Variants in CLIP1 observed in about 807,000 individuals in gnomAD.
CLIP1 encodes the protein CAP-Gly domain containing linker protein 1.
Under a neutral mutation model 161.6 loss-of-function variants are expected in CLIP1, and 66 were observed. The ratio of observed to expected loss-of-function variants is 0.41; its 90% CI spans 0.33 to 0.50. CLIP1 has a LOEUF of 0.50. Ranked by LOEUF, CLIP1 falls within the 20% of genes least tolerant of loss-of-function variation. CLIP1 has a pLI of 0.27. For synonymous variants in CLIP1, 598 were observed against 626.2 expected (o/e 0.96, Z 0.67); for missense variants, 1,376 against 1,702.0 (o/e 0.81, Z 3.37).
chr12:122,328,284 A>C lies in CLIP1; in HGVS notation c.3010T>G (p.Leu1004Val), dbSNP rs996420349. The change falls in exon 16 of 26, where the codon TTG (leucine) becomes GTG (valine). Residue 1004 changes from leucine (L) to valine (V), a missense_variant. Around this residue, in one of 6 missense-constraint regions of CLIP1, gnomAD observed 948 missense variants for 1,134.8 expected, o/e 0.84. Coordinates refer to ENST00000620786, the MANE Select transcript of CLIP1 (RefSeq NM_001247997.2). Reference sequence around the variant, plus strand: ...ACCAGGTCCGACAATTTCCTCTCCAATTCTTTCTTTTCTTCCTCATGCTTT... The same window carrying C: ...ACCAGGTCCGACAATTTCCTCTCCACTTCTTTCTTTTCTTCCTCATGCTTT... Reference protein sequence around the residue: ...AKKHEEEKKELERKLSDLEKK... With the variant: ...AKKHEEEKKEVERKLSDLEKK... The C allele has an allele frequency of 8.1e-6, 13 of 1,613,674 alleles. No individual in the cohort carries two copies. The highest frequency in any genetic ancestry group is 1.1e-5 in the Non-Finnish European group (13 of 1,179,962).
Position 122,340,743 on chromosome 12 carries a change from C to T in CLIP1, c.2451+10G>A. The T allele has an allele frequency of 6.5e-7, 1 of 1,540,128 alleles. No homozygotes were observed. The highest frequency in any genetic ancestry group is 8.8e-7 in the Non-Finnish European group (1 of 1,141,326). The stretch of plus-strand genomic sequence containing the variant: ...TGGAAAAGAAAAGAATGGAGGATGT[C>T]AATACAAACCTTGCTACTTTCAGCA... On this transcript the variant is annotated intron_variant, in intron 11 of 25. Coordinates refer to ENST00000620786, the MANE Select transcript of CLIP1 (RefSeq NM_001247997.2).
intron 17 of CLIP1, among the ~76,000 whole-genome samples, chr12:122,325,237 T>C (rs558582784): frequency 2.0e-5 from 3 of 152,162 alleles, no homozygotes; most frequent in African/African-American, 7.2e-5. Flanking sequence ...TTTGTATTTT[T>C]AGTAGAGACG....
In CLIP1 at chr12:122,377,570, G is replaced by A; in HGVS notation, c.476C>T (p.Ser159Phe). ...GATGTTTGAAGGGGTGGAGGGGGAG[G>A]AAGACACCATGCTGGCCGTAGAAGT... is the stretch of plus-strand genomic sequence containing the variant. ...LCTSTASMVS[S>F]SPSTPSNIPQ... Residue 159 changes from serine to phenylalanine, a missense_variant, in exon 3 of 26, where the codon TCC (serine) becomes TTC (phenylalanine). Transcript: ENST00000620786. 1 of 1,613,962 alleles carries A rather than the reference G, an allele frequency of 6.2e-7. No homozygotes were observed. The highest frequency in any genetic ancestry group is 1.7e-5 in the Admixed American group (1 of 59,944).
intron 1 of CLIP1, among the ~76,000 whole-genome samples, chr12:122,393,033 C>T (rs1955729059): frequency 1.3e-5 from 2 of 152,246 alleles, no homozygotes; most frequent in Middle Eastern, 6.8e-3. Flanking sequence ...CCACCCACCT[C>T]GGCCTCCCAA....
At chr12:122,406,711 T>C (rs1430124100) in intron 1 of CLIP1, among the ~76,000 whole-genome samples, 1 of 152,152 alleles carries the variant, frequency 6.6e-6, no homozygotes, top group African/African-American at 2.4e-5. Flanking sequence ...ATACAAGTTG[T>C]ACCTAGAGAA....
intron 1 of CLIP1, among the ~76,000 whole-genome samples, chr12:122,393,020 G>A (rs963137431): frequency 6.6e-5 from 10 of 152,088 alleles, no homozygotes; most frequent in African/African-American, 2.4e-4. Flanking sequence ...GACCTCAAGT[G>A]ATCCACCCAC....
chr12:122,277,786 A>C (rs1159708223), intron 24 of CLIP1: 1 of 91,760 alleles, frequency 1.1e-5, no homozygotes, highest in Non-Finnish European at 2.1e-5. Context: ...ACATAGCTAT[A>C]AAAAAAATAA....
intron 3 of CLIP1, among the ~76,000 whole-genome samples, chr12:122,369,014 C>CTT (rs112746598): frequency 6.8e-6 from 1 of 147,316 alleles, no homozygotes; most frequent in African/African-American, 2.5e-5. Flanking sequence ...AAGCACGGTA[C>CTT]TTTTTTTTTT....
At chr12:122,335,359 GCC>G (rs1477795411) in intron 12 of CLIP1, among the ~76,000 whole-genome samples, 1 of 151,892 alleles carries the variant, frequency 6.6e-6, no homozygotes, top group East Asian at 1.9e-4. Flanking sequence ...CCCACAGGCT[GCC>G]CCCTGTGCCA....
chr12:122,336,014 T>C (rs1952199427), intron 12 of CLIP1, among the ~76,000 whole-genome samples: 1 of 152,090 alleles, frequency 6.6e-6, no homozygotes, highest in African/African-American at 2.4e-5. Flanking sequence ...GTATCAGCCT[T>C]GTTTAAACTC....
intron 1 of CLIP1, among the ~76,000 whole-genome samples, chr12:122,409,717 A>G (rs1956458083): frequency 1.3e-5 from 2 of 150,306 alleles, no homozygotes; most frequent in Non-Finnish European, 3.0e-5. Flanking sequence ...TTTTTAGTAG[A>G]GACAGGCTTT....
In CLIP1 at chr12:122,321,830, T is replaced by C. The variant is rs539815882; in HGVS notation, c.3250-2482A>G. Among the ~76,000 whole-genome samples the C allele has an allele frequency of 3.9e-5, 6 of 152,364 alleles. No homozygotes were observed. The South Asian group carries it at 1.2e-3, about 32-fold the overall frequency. On this transcript the variant is annotated intron_variant, in intron 17 of 25. Transcript: ENST00000620786. ...CACTGCGCCCAGCCGAATTTCACTA[T>C]TGCTCTTAAGCTTTTTCATAAAGTT...
At chr12:122,416,152 G>A (rs571178727) in intron 1 of CLIP1, among the ~76,000 whole-genome samples, 1 of 151,830 alleles carries the variant, frequency 6.6e-6, no homozygotes, top group African/African-American at 2.4e-5. Flanking sequence ...GCAGAGAATC[G>A]CTTGAACCCG....
rs1057375108 is a variant in CLIP1 at position 122,286,984 on chromosome 12, C to T, written c.3647+1505G>A. On this transcript the variant is annotated intron_variant, in intron 21 of 25. Coordinates refer to ENST00000620786, the MANE Select transcript of CLIP1 (RefSeq NM_001247997.2). ...CTGCACTCCAGCCTGGGCGACAGAG[C>T]GAGAGTCTGCCTCAAAAAACAAACA... 3.3e-5 allele frequency among the ~76,000 whole-genome samples: 5 copies of T among 151,956 alleles called. No homozygotes were observed. The South Asian group carries it at 8.3e-4, about 25-fold the overall frequency.
intron 3 of CLIP1, chr12:122,364,820 T>G: frequency 9.5e-7 from 1 of 1,049,638 alleles, no homozygotes; most frequent in African/African-American, 1.6e-5. Context: ...GCACCCGATA[T>G]ATGTTCTCTA....
At position 122,299,612 on chromosome 12, in the gene CLIP1, C is replaced by CAAA. The variant is rs71082962; in HGVS notation, c.3594+10147_3594+10149dup. ...TTTTGTTTTTAAAGAATAAATTCAG[C>CAAA]AAAAAAAAAAAAAAAAAAAAGATGC... On this transcript the variant is annotated intron_variant, in intron 20 of 25. Coordinates refer to ENST00000620786, the MANE Select transcript of CLIP1 (RefSeq NM_001247997.2). Among the ~76,000 whole-genome samples the CAAA allele has an allele frequency of 7.4e-4, 46 of 62,510 alleles. 1 individual carries two copies. The South Asian group carries it at 0.015, about 21-fold the overall frequency. The allele number at this position is 62,510 out of a possible 152,430, so 41.0% of individuals were successfully genotyped here.
chr12:122,408,865 A>C (rs1000509142), intron 1 of CLIP1, among the ~76,000 whole-genome samples: 2 of 151,904 alleles, frequency 1.3e-5, no homozygotes, highest in Admixed American at 6.6e-5. Context: ...TCTGTCACCC[A>C]GGGTGGCACG....
intron 18 of CLIP1, among the ~76,000 whole-genome samples, chr12:122,318,774 C>T (rs944316769): frequency 6.6e-6 from 1 of 152,108 alleles, no homozygotes; most frequent in Non-Finnish European, 1.5e-5. Flanking sequence ...TATCTTGACG[C>T]CACATATTTG....
chr12:122,299,157 T>C (rs1950581439), intron 20 of CLIP1, among the ~76,000 whole-genome samples: 1 of 152,136 alleles, frequency 6.6e-6, no homozygotes, highest in Admixed American at 6.5e-5. Context: ...AAGTGCATCT[T>C]CTGTTCAGAT....
Sources: gnomAD v4.1 joint callset for allele counts (sites outside exome capture counted in the v4.1 genomes callset) on GRCh38, gnomAD v4.1.1 for gene constraint, gnomAD v4.1.1 regional missense constraint, MANE v1.5 for transcripts, NCBI Gene and HGNC (gene_info 2026-07-23, HGNC 2026-07-21) for gene names.